ACVR1C: variants seen among roughly 807,000 people sequenced by gnomAD.
The protein encoded by ACVR1C is activin receptor type-1C.
A neutral mutation model predicts 57.9 loss-of-function variants in ACVR1C; 23 were observed. That is an observed-to-expected ratio of 0.40 (90% confidence interval 0.29 to 0.56). The LOEUF (loss-of-function observed/expected upper bound fraction) is 0.56, where lower values mean the gene tolerates loss of function less well. ACVR1C is among the 20% of genes least tolerant of loss of function. The pLI, the probability that ACVR1C is intolerant of heterozygous loss-of-function variation, is 0.50. For missense variants in ACVR1C, 480 were observed against 607.9 expected (o/e 0.79, Z 2.21); for synonymous variants, 214 against 215.3 (o/e 0.99, Z 0.05).
chr2:157,542,957 A>C, intron 5 of ACVR1C, 95 bp from the exon 6 acceptor site: 1 of 1,288,900 alleles, frequency 7.8e-7, no homozygotes, highest in South Asian at 1.4e-5. Flanking sequence ...GAGCTAATTC[A>C]AAAAGAGTTT....
intron 3 of ACVR1C, among the ~76,000 whole-genome samples, chr2:157,554,272 G>GAAAGAAAGGAAGAAAGA (rs1491411690): frequency 2.1e-5 from 1 of 47,586 alleles, no homozygotes; most frequent in East Asian, 8.8e-4. Flanking sequence ...AGAAAGAAAG[G>GAAAGAAAGGAAGAAAGA]AAGGAAGGAA....
chr2:157,583,966 G>A (rs1379841448), intron 2 of ACVR1C, among the ~76,000 whole-genome samples: 2 of 151,974 alleles, frequency 1.3e-5, no homozygotes, highest in Non-Finnish European at 2.9e-5. Context: ...AAAAACTCAG[G>A]ACATGAAACT....
chr2:157,578,989 GATTAAC>G (rs1469112566), intron 2 of ACVR1C, among the ~76,000 whole-genome samples: 1 of 152,100 alleles, frequency 6.6e-6, no homozygotes, highest in African/African-American at 2.4e-5. Flanking sequence ...CAATTAAATT[GATTAAC>G]ATTAAATTAA....
intron 1 of ACVR1C, among the ~76,000 whole-genome samples, chr2:157,622,933 TA>T (rs927246415): frequency 6.6e-6 from 1 of 151,740 alleles, no homozygotes; most frequent in Admixed American, 6.6e-5. Context: ...AATAATCCAA[TA>T]AAAAAATTGA....
At chr2:157,593,542 A>ATGT (rs1681996155) in intron 1 of ACVR1C, among the ~76,000 whole-genome samples, 1 of 152,178 alleles carries the variant, frequency 6.6e-6, no homozygotes, top group African/African-American at 2.4e-5. Context: ...CCTGCTGAAT[A>ATGT]TGTAATCTTT....
intron 2 of ACVR1C, among the ~76,000 whole-genome samples, chr2:157,573,152 G>A (rs1446989660): frequency 2.0e-5 from 3 of 152,064 alleles, no homozygotes; most frequent in South Asian, 2.1e-4. Flanking sequence ...TGATAAATTC[G>A]ATTTTAATGT....
chr2:157,581,077 G>A (rs1688777945), intron 2 of ACVR1C, among the ~76,000 whole-genome samples: 1 of 152,074 alleles, frequency 6.6e-6, no homozygotes. Context: ...AACACTGAAT[G>A]GTTTTGGGTT....
At chr2:157,604,997 CTCTGTTTTCTTT>C (rs1184403290) in intron 1 of ACVR1C, among the ~76,000 whole-genome samples, 1 of 151,692 alleles carries the variant, frequency 6.6e-6, no homozygotes, top group Non-Finnish European at 1.5e-5. Flanking sequence ...ATGTTTTCTT[CTCTGTTTTCTTT>C]TAGAAGTTTT....
chr2:157,615,518 G>C (rs1248386917), intron 1 of ACVR1C, among the ~76,000 whole-genome samples: 1 of 152,042 alleles, frequency 6.6e-6, no homozygotes, highest in African/African-American at 2.4e-5. Context: ...GGAACTACAG[G>C]TGTGCACAAC....
At chr2:157,537,722 G>A (rs1466217114) in intron 8 of ACVR1C, among the ~76,000 whole-genome samples, 1 of 152,136 alleles carries the variant, frequency 6.6e-6, no homozygotes, top group Non-Finnish European at 1.5e-5. Flanking sequence ...ACTGAAATGA[G>A]AGAGATTAAA....
chr2:157,615,894 G>C (rs1682635673), intron 1 of ACVR1C, among the ~76,000 whole-genome samples: 1 of 152,174 alleles, frequency 6.6e-6, no homozygotes. Flanking sequence ...CTTTATGTAA[G>C]AGGTATTTTT....
Position 157,528,055 on chromosome 2 carries a change from C to T in ACVR1C, c.*5863G>A, listed in dbSNP as rs1687271988. On this transcript the variant is annotated 3_prime_UTR_variant, in exon 9 of 9. Transcript: ENST00000243349. ...AGTTCTTTGTTCAATCTGTAGATGTCAAGAATTATTTTGACTTTTTAATTC... is the reference window on the plus strand; with the variant it reads ...AGTTCTTTGTTCAATCTGTAGATGTTAAGAATTATTTTGACTTTTTAATTC... The T allele has an allele frequency of 6.6e-6, 1 of 152,146 alleles. No homozygotes were observed. The highest frequency in any genetic ancestry group is 2.4e-5 in the African/African-American group (1 of 41,436). 9.4% of individuals were successfully genotyped at this position (152,146 alleles called of 1,614,324 possible).
intron 8 of ACVR1C, 147 bp downstream of exon 8, chr2:157,538,426 G>T: frequency 1.4e-6 from 1 of 705,400 alleles, no homozygotes; most frequent in Non-Finnish European, 2.0e-6. Flanking sequence ...AGCACTAAAG[G>T]GGAAAAAATC....
chr2:157,573,241 A>G (rs1688566436), intron 2 of ACVR1C, among the ~76,000 whole-genome samples: 1 of 152,210 alleles, frequency 6.6e-6, no homozygotes, highest in Non-Finnish European at 1.5e-5. Context: ...CCTAATCAAT[A>G]TGTATTATAC....
rs1687302254 is a variant in ACVR1C, at chr2:157,529,148, C to T, written c.*4770G>A. 1.3e-5 allele frequency: 2 copies of T among 152,086 alleles called. No individual in the cohort carries two copies. Among genetic ancestry groups the T allele is most frequent in the Non-Finnish European group, 2.9e-5 (2 of 68,014 alleles). The allele number at this position is 152,086 out of a possible 1,614,324, so 9.4% of individuals were successfully genotyped here. A position where few individuals can be genotyped will look rare whatever the true frequency, so the allele number is the denominator to read the frequency against. On this transcript the variant is annotated 3_prime_UTR_variant, in exon 9 of 9. Transcript: ENST00000243349. The stretch of plus-strand genomic sequence containing the variant: ...TTCAGCTATCAAATCACCTTTCACC[C>T]CCATTCCAAGGTACAAAGAGAAAGA...
At position 157,553,410 on chromosome 2, in the gene ACVR1C, A is replaced by T. The variant is rs992879334; in HGVS notation, c.544+2683T>A. Among the ~76,000 whole-genome samples, 23 of 145,422 alleles carry T rather than the reference A, an allele frequency of 1.6e-4. No individual in the cohort carries two copies. In the East Asian group the frequency reaches 4.1e-3, roughly 26 times the overall value. On this transcript the variant is annotated intron_variant, in intron 3 of 8. Transcript: ENST00000243349. ...TACATTTACTACTTTTTTTTTTTTT[A>T]AATGAGAGATCTTAGAATAATCTGA...
chr2:157,554,788 G>C (rs1042486018), intron 3 of ACVR1C, among the ~76,000 whole-genome samples: 5 of 152,140 alleles, frequency 3.3e-5, no homozygotes, highest in Non-Finnish European at 7.3e-5. Context: ...TCTTCAGAAT[G>C]TTGGGCTACT....
At position 157,596,762 on chromosome 2, in the gene ACVR1C, G is replaced by A. The variant is rs1682129181; in HGVS notation, c.74-9345C>T. Among the ~76,000 whole-genome samples, 4 of 152,132 alleles carry A rather than the reference G, an allele frequency of 2.6e-5. No homozygotes were observed. In the South Asian group the frequency reaches 8.3e-4, roughly 32 times the overall value. Reference sequence around the variant, plus strand: ...TGAATTACTTTATGGCAAGTCTTTAGATAAGTTTTTAAGATCATTATTTAA... The same window carrying A: ...TGAATTACTTTATGGCAAGTCTTTAAATAAGTTTTTAAGATCATTATTTAA... On this transcript the variant is annotated intron_variant, in intron 1 of 8. Transcript: ENST00000243349.
chr2:157,580,523 A>C (rs1316700179), intron 2 of ACVR1C, among the ~76,000 whole-genome samples: 2 of 152,186 alleles, frequency 1.3e-5, no homozygotes, highest in African/African-American at 4.8e-5. Context: ...TAGAATTTCC[A>C]TTTTTGCCAA....
Sources: allele counts gnomAD v4.1 joint callset (sites outside exome capture counted in the v4.1 genomes callset), GRCh38; gene constraint gnomAD v4.1.1; transcripts MANE v1.5; gene names NCBI Gene and HGNC (gene_info 2026-07-23, HGNC 2026-07-21).